MAEA: variants seen among roughly 807,000 people sequenced by gnomAD.
MAEA encodes the protein macrophage erythroblast attacher, E3 ubiquitin ligase, also known as E3 ubiquitin-protein transferase MAEA.
In MAEA, 22 loss-of-function variants were observed where a neutral mutation model predicts 46.2. The ratio of observed to expected loss-of-function variants is 0.48; its 90% CI spans 0.34 to 0.68. The LOEUF is 0.68. Ranked by LOEUF, MAEA falls within the 30% of genes least tolerant of loss-of-function variation. MAEA has a pLI of 0.01. For synonymous variants in MAEA, 246 were observed against 222.6 expected (o/e 1.11, Z -0.94); for missense variants, 393 against 558.1 (o/e 0.70, Z 2.98).
At chr4:1,309,610 C>A (rs1307013672) in intron 1 of MAEA, 5 of 1,516,500 alleles carry the variant, frequency 3.3e-6, no homozygotes, top group South Asian at 1.2e-5. Context: ...GAGGAGCGTG[C>A]GCAGAGGCGT....
At chr4:1,334,106 G>A (rs113718814) in intron 6 of MAEA, among the ~76,000 whole-genome samples, 4 of 9,648 alleles carry the variant, frequency 4.1e-4, no homozygotes, top group South Asian at 6.0e-3. Context: ...CATGCCTACC[G>A]TGCTCACCCC....
At chr4:1,313,293 G>A (rs539165825) in intron 2 of MAEA, among the ~76,000 whole-genome samples, 3 of 152,324 alleles carry the variant, frequency 2.0e-5, no homozygotes, top group Non-Finnish European at 4.4e-5. Flanking sequence ...CAAGTACAAC[G>A]TCCAGCACAG....
Position 1,322,335 on chromosome 4 carries a change from C to T in MAEA, c.457-46C>T. The T allele has an allele frequency of 1.9e-6, 3 of 1,603,544 alleles. No individual in the cohort carries two copies. In the Admixed American group the frequency reaches 5.0e-5, roughly 27 times the overall value. On this transcript the variant is annotated intron_variant, in intron 3 of 8. Transcript: ENST00000303400. ...GGGGTGTGGGAGGGTGGCATGGGGG[C>T]CTTGAGCCAGCACATTCTGATCAGG...
intron 3 of MAEA, 42 bp from the exon 4 acceptor site, chr4:1,322,339 G>C (rs1461644382): frequency 1.9e-6 from 3 of 1,606,264 alleles, no homozygotes; most frequent in Non-Finnish European, 2.6e-6. Context: ...TGGGGGCCTT[G>C]AGCCAGCACA....
At chr4:1,333,358 G>A (rs1357273805) in intron 6 of MAEA, among the ~76,000 whole-genome samples, 2 of 151,348 alleles carry the variant, frequency 1.3e-5, no homozygotes, top group Non-Finnish European at 2.9e-5. Flanking sequence ...AAAAAAAGCA[G>A]TTGAGAAAGG....
intron 2 of MAEA, among the ~76,000 whole-genome samples, chr4:1,313,751 G>T (rs76584283): frequency 0.022 from 3,277 of 151,826 alleles, 127 homozygotes; most frequent in African/African-American, 0.075. Flanking sequence ...TCTCTGCAGG[G>T]AACAGACAGT....
In MAEA at chr4:1,315,431, C is replaced by T; in HGVS notation, c.287C>T (p.Ala96Val). The T allele has an allele frequency of 6.2e-7, 1 of 1,613,914 alleles. No homozygotes were observed. The highest frequency in any genetic ancestry group is 8.5e-7 in the Non-Finnish European group (1 of 1,180,022). The change falls in exon 3 of 9, where the codon GCC (alanine) becomes GTC (valine). Residue 96 changes from alanine to valine, a missense_variant. Transcript: ENST00000303400. ...VESIQAEDES[A>V]KLCKRRIEHL... ...TCCATCCAGGCCGAGGACGAGAGCG[C>T]CAAGCTGTGCAAGCGCCGGATCGAG... is the stretch of plus-strand genomic sequence containing the variant.
chr4:1,316,948 C>G (rs111566100), intron 3 of MAEA, among the ~76,000 whole-genome samples: 1 of 147,738 alleles, frequency 6.8e-6, no homozygotes, highest in Non-Finnish European at 1.5e-5. Context: ...CCCCACACTC[C>G]AGACTCACCT....
chr4:1,314,739 G>T (rs552316449), intron 2 of MAEA, among the ~76,000 whole-genome samples: 1 of 152,332 alleles, frequency 6.6e-6, no homozygotes, highest in Non-Finnish European at 1.5e-5. Flanking sequence ...GCTCCTGAGG[G>T]CAAAAGATGA....
Position 1,336,842 on chromosome 4 carries a change from T to A in MAEA, c.766-19T>A. The A allele has an allele frequency of 6.2e-7, 1 of 1,611,406 alleles. No homozygotes were observed. Among genetic ancestry groups the A allele is most frequent in the Non-Finnish European group, 8.5e-7 (1 of 1,178,544 alleles). ...TTCCCTGGGAGCATCCCCAGGACCCTCTGCTCTCTGTCTTCCAGGACCTTC... is the reference window on the plus strand; with the variant it reads ...TTCCCTGGGAGCATCCCCAGGACCCACTGCTCTCTGTCTTCCAGGACCTTC... On this transcript the variant is annotated intron_variant, in intron 6 of 8. Coordinates refer to ENST00000303400, the MANE Select transcript of MAEA (RefSeq NM_001017405.3).
At chr4:1,334,034 CCCA>C (rs1247493138) in intron 6 of MAEA, among the ~76,000 whole-genome samples, 1 of 38,258 alleles carries the variant, frequency 2.6e-5, no homozygotes. Context: ...CCACCCCATG[CCCA>C]CCATGTGCTC....
rs1361612265 is a variant in MAEA at position 1,311,602 on chromosome 4, A to T, written c.70-377A>T. The stretch of plus-strand genomic sequence containing the variant: ...GTGTGGTGGCGCCTGCAGCCGCAGC[A>T]GCCTGGCTGATCACCGGCCAGGCCT... On this transcript the variant is annotated intron_variant, in intron 1 of 8. Coordinates refer to ENST00000303400, the MANE Select transcript of MAEA (RefSeq NM_001017405.3). The surrounding 1 kb of genome is among the most constrained non-coding windows in gnomAD (Gnocchi z 4.4). Among the ~76,000 whole-genome samples the T allele has an allele frequency of 1.3e-5, 2 of 152,180 alleles. No individual in the cohort carries two copies. The highest frequency in any genetic ancestry group is 4.8e-5 in the African/African-American group (2 of 41,460).
At chr4:1,297,926 C>T (rs1347895375) in intron 1 of MAEA, 1 of 451,490 alleles carries the variant, frequency 2.2e-6, no homozygotes, top group Admixed American at 2.4e-5. Flanking sequence ...AGCCCCATCC[C>T]CTGCCCTTCT....
rs753234603 is a variant in MAEA at position 1,332,864 on chromosome 4, A to G, written c.764A>G (p.Lys255Arg). Reference sequence around the variant, plus strand: ...CCCGACACGCACATCTCCCCGTACAAGGTAGGGCGTGCGTCCCTGGGGTCG... The same window carrying G: ...CCCGACACGCACATCTCCCCGTACAGGGTAGGGCGTGCGTCCCTGGGGTCG... ...FPPDTHISPY[K>R]DLLDPARWRM... Residue 255 changes from lysine to arginine, a missense_variant and splice_region_variant, in exon 6 of 9, where the codon AAG (lysine) becomes AGG (arginine). By Grantham distance (26) the Lys-to-Arg change is conservative. Transcript: ENST00000303400. The G allele has an allele frequency of 1.2e-6, 2 of 1,607,870 alleles. No individual in the cohort carries two copies. The highest frequency in any genetic ancestry group is 1.3e-5 in the African/African-American group (1 of 74,894).
intron 3 of MAEA, among the ~76,000 whole-genome samples, chr4:1,318,246 G>A (rs1737562144): frequency 1.3e-5 from 2 of 152,328 alleles, no homozygotes; most frequent in South Asian, 4.1e-4. Flanking sequence ...GACCCATGGG[G>A]TGTGACCAAG....
intron 3 of MAEA, among the ~76,000 whole-genome samples, chr4:1,315,941 T>G (rs1415672668): frequency 8.0e-6 from 1 of 125,202 alleles, no homozygotes; most frequent in East Asian, 2.8e-4. Context: ...GGTGAGGGCC[T>G]CCTCCCCAGC....
At chr4:1,304,099 C>G (rs1341869296) in intron 1 of MAEA, among the ~76,000 whole-genome samples, 1 of 152,100 alleles carries the variant, frequency 6.6e-6, no homozygotes, top group African/African-American at 2.4e-5. Flanking sequence ...CCCTCCTCCC[C>G]CTGTCAGTCG....
chr4:1,313,678 G>T (rs1189326669), intron 2 of MAEA, among the ~76,000 whole-genome samples: 2 of 151,944 alleles, frequency 1.3e-5, no homozygotes, highest in East Asian at 3.9e-4. Context: ...AGTGAGCCAC[G>T]ATCATGCCAC....
intron 1 of MAEA, among the ~76,000 whole-genome samples, chr4:1,297,160 C>T (rs1465864830): frequency 1.3e-5 from 2 of 152,254 alleles, no homozygotes; most frequent in Non-Finnish European, 2.9e-5. Context: ...CCTTACTAAG[C>T]CACCCTTCCC....
Sources: gnomAD v4.1 joint callset for allele counts (sites outside exome capture counted in the v4.1 genomes callset) on GRCh38, gnomAD v4.1.1 for gene constraint, Gnocchi (gnomAD v3.1) non-coding constraint, MANE v1.5 for transcripts, NCBI Gene and HGNC (gene_info 2026-07-23, HGNC 2026-07-21) for gene names.